Variants in GUCY2D observed in about 807,000 individuals in gnomAD.
GUCY2D encodes retinal guanylyl cyclase 1.
GUCY2D carries 70 observed loss-of-function variants against 101.3 expected under a neutral mutation model. The ratio of observed to expected loss-of-function variants is 0.69; its 90% CI spans 0.57 to 0.84. The LOEUF is 0.84. Among genes scored for constraint, GUCY2D ranks in the 40% least tolerant of loss-of-function variants. The probability of loss-of-function intolerance (pLI) is 0.00; values close to 1 mark genes in which losing one functional copy is unlikely to be tolerated. For missense variants in GUCY2D, 1,460 were observed against 1,542.5 expected (o/e 0.95, Z 0.90); for synonymous variants, 688 against 670.7 (o/e 1.03, Z -0.40).
At position 8,014,000 on chromosome 17, in the gene GUCY2D, G is replaced by A. The variant is rs61750171; in HGVS notation, c.2384G>A (p.Arg795Gln). The change falls in exon 12 of 20, where the codon CGG becomes CAG. Residue 795 changes from arginine (R) to glutamine (Q), a missense_variant. Arg to Gln is a conservative substitution (Grantham distance 43, BLOSUM62 1). This residue lies in a region of GUCY2D where 1,196 missense variants were observed against 1,229.6 expected (regional missense o/e 0.97). Transcript: ENST00000254854. This position sits in a 1 kb window ranked among gnomAD's most constrained non-coding sequence, Gnocchi z 5.0. ...TGCTGGGCAGAGCAGCCGGAACTTC[G>A]GCCCTCCATGGACCACACCTTCGAC... ...KQCWAEQPEL[R>Q]PSMDHTFDLF... 9.9e-6 allele frequency: 16 copies of A among 1,613,582 alleles called. No homozygotes were observed. The highest frequency in any genetic ancestry group is 1.3e-5 in the Non-Finnish European group (15 of 1,179,958).
chr17:8,012,620 G>C lies in GUCY2D; in HGVS notation c.2113+14G>C. 4 of 1,606,002 alleles carry C rather than the reference G, an allele frequency of 2.5e-6. No individual in the cohort carries two copies. Among genetic ancestry groups the C allele is most frequent in the South Asian group, 2.2e-5 (2 of 90,928 alleles). ...CCAGAGCGGAGGGTAAGAGTCCCCT[G>C]TGCAGACGAGGATCCACCGGGATCC... On this transcript the variant is annotated intron_variant, in intron 10 of 19. Transcript: ENST00000254854.
chr17:8,003,365 G>A lies in GUCY2D; in HGVS notation c.318G>A (p.Arg106=). 1 of 1,466,612 alleles carries A rather than the reference G, an allele frequency of 6.8e-7. No individual in the cohort carries two copies. The allele number at this position is 1,466,612 out of a possible 1,614,324, so 90.8% of individuals were successfully genotyped here. The part of the protein sequence containing the change: ...FEVALLPEPC[R]TPGSLGAVSS... ...TAGCGCTGCTGCCCGAGCCTTGCCG[G>A]ACGCCGGGCTCGCTGGGGGCCGTGT... Residue 106 remains arginine, a synonymous_variant, in exon 2 of 20, where the codon CGG becomes CGA. Coordinates refer to ENST00000254854, the MANE Select transcript of GUCY2D (RefSeq NM_000180.4).
Position 8,017,816 on chromosome 17 carries a change from C to A in GUCY2D, c.*24+1262C>A, listed in dbSNP as rs952333755. On this transcript the variant is annotated intron_variant, in intron 19 of 19. Transcript: ENST00000254854. ...CAAGTGATTCTCCTACCTCAGCCTG[C>A]CGAGTAGCTGGGATTACAGGCACCC... 6.6e-5 allele frequency among the ~76,000 whole-genome samples: 10 copies of A among 152,126 alleles called. 1 individual carries two copies. Among genetic ancestry groups the A allele is most frequent in the Admixed American group, 2.0e-4 (3 of 15,268 alleles).
chr17:8,008,249 G>A (rs1975783702), intron 7 of GUCY2D, among the ~76,000 whole-genome samples: 1 of 152,146 alleles, frequency 6.6e-6, no homozygotes, highest in African/African-American at 2.4e-5. Context: ...TTTTTCTCTA[G>A]CCACTATCTG....
chr17:8,006,384 A>G lies in GUCY2D; in HGVS notation c.1048A>G (p.Ile350Val). Residue 350 changes from isoleucine to valine, a missense_variant, in exon 4 of 20, where the codon ATC (isoleucine) becomes GTC (valine). Around this residue, in one of 3 missense-constraint regions of GUCY2D, gnomAD observed 1,196 missense variants for 1,229.6 expected, o/e 0.97. Coordinates refer to ENST00000254854, the MANE Select transcript of GUCY2D (RefSeq NM_000180.4). ...CCAGGTCTCCCCACTCTTTGGCACC[A>G]TCTATGACGCGGTCTTCTTGCTGGC... ...LQQVSPLFGTIYDAVFLLARG... is the reference protein window; with the variant it reads ...LQQVSPLFGTVYDAVFLLARG... 3 of 1,600,682 alleles carry G rather than the reference A, an allele frequency of 1.9e-6. No individual in the cohort carries two copies. Among genetic ancestry groups the G allele is most frequent in the Non-Finnish European group, 2.5e-6 (3 of 1,179,938 alleles).
At chr17:8,006,747 A>C in intron 4 of GUCY2D, 33 bp downstream of exon 4, 1 of 1,516,138 alleles carries the variant, frequency 6.6e-7, no homozygotes, top group Non-Finnish European at 9.0e-7. Context: ...CCACTGAGAC[A>C]ATCGCCATGG....
At position 8,016,009 on chromosome 17, in the gene GUCY2D, C is replaced by T. The variant is rs1343668874; in HGVS notation, c.3126C>T (p.Arg1042=). The change falls in exon 17 of 20, where the codon CGC becomes CGT. Residue 1042 remains arginine, a synonymous_variant. Coordinates refer to ENST00000254854, the MANE Select transcript of GUCY2D (RefSeq NM_000180.4). ...GCTACCAGGTGGAGCTGCGAGGCCG[C>T]ACGGAGCTGAAGGTGAGGCAGGGCC... ...DSGYQVELRG[R]TELKGKGAED... The T allele has an allele frequency of 6.2e-7, 1 of 1,607,852 alleles. No individual in the cohort carries two copies. The highest frequency in any genetic ancestry group is 1.3e-5 in the African/African-American group (1 of 74,868).
At chr17:8,008,696 G>T in intron 7 of GUCY2D, among the ~76,000 whole-genome samples, 1 of 152,088 alleles carries the variant, frequency 6.6e-6, no homozygotes, top group East Asian at 1.9e-4. Flanking sequence ...TTGTCATTTG[G>T]GGCAGATTGT....
At chr17:8,016,087 C>G (rs764046799) in intron 17 of GUCY2D, 66 bp downstream of exon 17, 15 of 1,449,742 alleles carry the variant, frequency 1.0e-5, no homozygotes, top group Admixed American at 1.9e-5. Context: ...CATCCCGGGC[C>G]GCGGCTGCAA....
At chr17:8,012,735 A>G (rs1975881003) in intron 10 of GUCY2D, 129 bp downstream of exon 10, 1 of 809,594 alleles carries the variant, frequency 1.2e-6, no homozygotes. Context: ...AATTCCTGCT[A>G]CAGAAAAGAT....
In GUCY2D at chr17:8,014,673, A is replaced by G; in HGVS notation, c.2485A>G (p.Ser829Gly). 1 of 1,613,960 alleles carries G rather than the reference A, an allele frequency of 6.2e-7. No individual in the cohort carries two copies. The change falls in exon 13 of 20, where the codon AGT becomes GGT. Residue 829 changes from serine to glycine, a missense_variant. Ser to Gly is a moderately conservative substitution (Grantham distance 56). Transcript: ENST00000254854. The surrounding 1 kb of genome is among the most constrained non-coding windows in gnomAD (Gnocchi z 4.0). The part of the protein sequence containing the change: ...SMLRMLEQYS[S>G]NLEDLIRERT... The stretch of plus-strand genomic sequence containing the variant: ...GCTTCGGATGCTGGAGCAGTACTCT[A>G]GTAACCTGGAGGATCTGATCCGGGA...
At chr17:8,006,812 A>G in intron 4 of GUCY2D, 98 bp downstream of exon 4, 1 of 1,123,702 alleles carries the variant, frequency 8.9e-7, no homozygotes, top group Admixed American at 2.0e-5. Context: ...TCCGTCTTCG[A>G]TGCCCTTCTA....
In GUCY2D at chr17:8,007,121, G is replaced by A. The variant is rs1445195113; in HGVS notation, c.1440G>A (p.Gly480=). 2 of 1,613,500 alleles carry A rather than the reference G, an allele frequency of 1.2e-6. No individual in the cohort carries two copies. The highest frequency in any genetic ancestry group is 1.7e-6 in the Non-Finnish European group (2 of 1,179,500). ...TGGTGGTTGGGATGGGGCTGGCTGG[G>A]GCCTTCCTGGCCCATTATGTGAGGT... ...FLLVVGMGLA[G]AFLAHYVRHR... The change falls in exon 5 of 20, where the codon GGG becomes GGA. Residue 480 remains glycine, a synonymous_variant. Coordinates refer to ENST00000254854, the MANE Select transcript of GUCY2D (RefSeq NM_000180.4).
At chr17:8,018,786 T>A (rs1976021444) in intron 19 of GUCY2D, among the ~76,000 whole-genome samples, 1 of 151,822 alleles carries the variant, frequency 6.6e-6, no homozygotes, top group African/African-American at 2.4e-5. Context: ...AGCTTAGGAC[T>A]CCTTAGCAGG....
In GUCY2D at chr17:8,014,913, G is replaced by T. The variant is rs1975933817; in HGVS notation, c.2631G>T (p.Glu877Asp). The T allele has an allele frequency of 6.2e-7, 1 of 1,614,036 alleles. No homozygotes were observed. The highest frequency in any genetic ancestry group is 1.7e-5 in the Admixed American group (1 of 60,000). The change falls in exon 14 of 20, where the codon GAG becomes GAT. Residue 877 changes from glutamate to aspartate, a missense_variant. Coordinates refer to ENST00000254854, the MANE Select transcript of GUCY2D (RefSeq NM_000180.4). This position sits in a 1 kb window ranked among gnomAD's most constrained non-coding sequence, Gnocchi z 4.0. ...TGTPVEPEYF[E>D]QVTLYFSDIV... ...CACCAGTGGAGCCCGAGTACTTTGA[G>T]CAAGTGACACTGTACTTTAGTGACA...
At position 8,011,953 on chromosome 17, in the gene GUCY2D, CTA is replaced by C. The variant is rs1274072977; in HGVS notation, c.1750-187_1750-186del. Among the ~76,000 whole-genome samples, 2 of 152,174 alleles carry C rather than the reference CTA, an allele frequency of 1.3e-5. No individual in the cohort carries two copies. Among genetic ancestry groups the C allele is most frequent in the Non-Finnish European group, 2.9e-5 (2 of 68,030 alleles). ...TCAGTATCCAAACAGTGGCCTTTGA[CTA>C]TATTGTTTTTTCCAAAAATAGGACT... On this transcript the variant is annotated intron_variant, in intron 8 of 19. Transcript: ENST00000254854. This position sits in a 1 kb window ranked among gnomAD's most constrained non-coding sequence, Gnocchi z 4.3.
Position 8,003,170 on chromosome 17 carries a change from C to T in GUCY2D, c.123C>T (p.Leu41=). The part of the protein sequence containing the change: ...RALPRLPLLL[L]LLLLQPPALS... The stretch of plus-strand genomic sequence containing the variant: ...TGCCCCGGCTCCCGCTCCTGCTGCT[C>T]CTGCTTCTGCTGCAGCCCCCCGCCC... The change falls in exon 2 of 20, where the codon CTC becomes CTT. Residue 41 remains leucine (L), a synonymous_variant. Transcript: ENST00000254854. 6.6e-7 allele frequency: 1 copy of T among 1,512,588 alleles called. No homozygotes were observed. Among genetic ancestry groups the T allele is most frequent in the Non-Finnish European group, 8.8e-7 (1 of 1,136,322 alleles). The allele number at this position is 1,512,588 out of a possible 1,614,324, so 93.7% of individuals were successfully genotyped here. A position where few individuals can be genotyped will look rare whatever the true frequency, so the allele number is the denominator to read the frequency against.
chr17:8,017,839 C>T (rs940818863), intron 19 of GUCY2D, among the ~76,000 whole-genome samples: 3 of 152,074 alleles, frequency 2.0e-5, no homozygotes, highest in Non-Finnish European at 4.4e-5. Context: ...ATTACAGGCA[C>T]CCGCCACCAC....
chr17:8,014,743 T>C lies in GUCY2D; in HGVS notation c.2555T>C (p.Leu852Pro). Residue 852 changes from leucine (L) to proline (P), a missense_variant, in exon 13 of 20, where the codon CTG becomes CCG. By Grantham distance (98) the Leu-to-Pro change is moderately conservative. Around this residue, in one of 3 missense-constraint regions of GUCY2D, gnomAD observed 1,196 missense variants for 1,229.6 expected, o/e 0.97. Transcript: ENST00000254854. This position sits in a 1 kb window ranked among gnomAD's most constrained non-coding sequence, Gnocchi z 4.0. ...CTGGAAAAGCAGAAGACAGACCGGC[T>C]GCTTACACAGATGCTGCCTCCGTGG... ...LELEKQKTDR[L>P]LTQMLPPSVA... 1 of 1,604,030 alleles carries C rather than the reference T, an allele frequency of 6.2e-7. No individual in the cohort carries two copies. Among genetic ancestry groups the C allele is most frequent in the Non-Finnish European group, 8.5e-7 (1 of 1,174,836 alleles).
Sources: gnomAD v4.1 joint callset for allele counts (sites outside exome capture counted in the v4.1 genomes callset) on GRCh38, gnomAD v4.1.1 for gene constraint, gnomAD v4.1.1 regional missense constraint, Gnocchi (gnomAD v3.1) non-coding constraint, MANE v1.5 for transcripts, NCBI Gene and HGNC (gene_info 2026-07-23, HGNC 2026-07-21) for gene names.